The following PIK3R6 variants were observed in gnomAD, a reference collection of about 807,000 sequenced individuals.
PIK3R6 encodes phosphoinositide 3-kinase regulatory subunit 6.
PIK3R6 carries 91 observed loss-of-function variants against 84.9 expected under a neutral mutation model. The observed-to-expected ratio is 1.07, with a 90% confidence interval of 0.90 to 1.28. PIK3R6 has a LOEUF of 1.28. Among genes scored for constraint, PIK3R6 ranks in the 50% most tolerant of loss-of-function variants. PIK3R6 has a pLI of 0.00. For missense variants in PIK3R6, 996 were observed against 985.1 expected (o/e 1.01, Z -0.15); for synonymous variants, 416 against 411.4 (o/e 1.01, Z -0.13).
chr17:8,821,110 C>T (rs1010535562), intron 17 of PIK3R6, among the ~76,000 whole-genome samples: 1 of 152,176 alleles, frequency 6.6e-6, no homozygotes, highest in Admixed American at 6.5e-5. Context: ...TACTTGTTTG[C>T]TCCAAAATGA....
In PIK3R6 at chr17:8,835,372, C is replaced by T; in HGVS notation, c.546G>A (p.Gln182=). The T allele has an allele frequency of 6.2e-7, 1 of 1,612,002 alleles. No individual in the cohort carries two copies. Among genetic ancestry groups the T allele is most frequent in the Non-Finnish European group, 8.5e-7 (1 of 1,178,578 alleles). ...LLLEIEAAQA[Q]QTPETCMRHV... is the part of the protein sequence containing the mutation. ...GGCGCATGCAGGTCTCTGGTGTCTG[C>T]TGCGCCTGGGCCGCCTCGATCTCCA... The change falls in exon 8 of 20, where the codon CAG becomes CAA. Residue 182 remains glutamine, a synonymous_variant. Coordinates refer to ENST00000619866, the MANE Select transcript of PIK3R6 (RefSeq NM_001010855.4).
intron 1 of PIK3R6, among the ~76,000 whole-genome samples, chr17:8,851,356 C>T (rs943903164): frequency 1.3e-5 from 2 of 151,952 alleles, no homozygotes; most frequent in Non-Finnish European, 1.5e-5. Context: ...ATTAGCCGGG[C>T]GTGGTGGTGG....
chr17:8,833,149 C>T, intron 8 of PIK3R6, 104 bp from the exon 9 acceptor site: 3 of 1,407,796 alleles, frequency 2.1e-6, no homozygotes, highest in Non-Finnish European at 2.8e-6. Context: ...TGACACCTCT[C>T]CGCTGCCCCT....
chr17:8,842,793 G>A lies in PIK3R6; in HGVS notation c.14-3096C>T, dbSNP rs2088719555. ...TCATGTGACAGGGATCTCTCTTCTT[G>A]GCTCCTTTTTGGTCCTCCTGCTTTA... On this transcript the variant is annotated intron_variant, in intron 2 of 19. Transcript: ENST00000619866. The surrounding 1 kb of genome is among the most constrained non-coding windows in gnomAD (Gnocchi z 4.5). 6.6e-6 allele frequency among the ~76,000 whole-genome samples: 1 copy of A among 152,086 alleles called. No individual in the cohort carries two copies.
intron 1 of PIK3R6, among the ~76,000 whole-genome samples, chr17:8,866,526 C>A (rs996993432): frequency 6.6e-5 from 10 of 152,076 alleles, no homozygotes; most frequent in African/African-American, 2.2e-4. Flanking sequence ...TGCGCAAAAG[C>A]GTGAGACTGT....
chr17:8,814,215 CTTTTTTTTTTTTTT>C (rs112750429), intron 18 of PIK3R6, among the ~76,000 whole-genome samples: 1 of 85,520 alleles, frequency 1.2e-5, no homozygotes, highest in African/African-American at 4.9e-5. Context: ...AGAGAGAGAT[CTTTTTTTTTTTTTT>C]TTTTTTTTGA....
intron 2 of PIK3R6, among the ~76,000 whole-genome samples, chr17:8,840,039 T>C (rs893820881): frequency 1.3e-5 from 2 of 151,990 alleles, no homozygotes; most frequent in African/African-American, 4.8e-5. Flanking sequence ...TATTTTCATA[T>C]ATATGTGAAA....
intron 17 of PIK3R6, among the ~76,000 whole-genome samples, chr17:8,820,989 T>C (rs1410240152): frequency 6.6e-6 from 1 of 152,216 alleles, no homozygotes; most frequent in Non-Finnish European, 1.5e-5. Context: ...GAATGTAAAG[T>C]AGCATTTCAT....
intron 7 of PIK3R6, 43 bp downstream of exon 7, chr17:8,836,504 G>C (rs12948724): frequency 0.39 from 630,080 of 1,606,524 alleles, 126,488 homozygotes; most frequent in East Asian, 0.57. Context: ...AGCCACAACA[G>C]TTTTAGGAGG....
chr17:8,828,549 C>T lies in PIK3R6; in HGVS notation c.1313+18G>A. Reference sequence around the variant, plus strand: ...CCCTGACCAGCGCCCACCCCCAGCCCCCACGTCGGGGCCCCACCTGAGTCT... The same window carrying T: ...CCCTGACCAGCGCCCACCCCCAGCCTCCACGTCGGGGCCCCACCTGAGTCT... On this transcript the variant is annotated intron_variant, in intron 11 of 19. Coordinates refer to ENST00000619866, the MANE Select transcript of PIK3R6 (RefSeq NM_001010855.4). 1 of 1,609,192 alleles carries T rather than the reference C, an allele frequency of 6.2e-7. No individual in the cohort carries two copies. Among genetic ancestry groups the T allele is most frequent in the Non-Finnish European group, 8.5e-7 (1 of 1,178,922 alleles).
chr17:8,860,915 C>T (rs1361900365), intron 1 of PIK3R6, among the ~76,000 whole-genome samples: 1 of 37,670 alleles, frequency 2.7e-5, no homozygotes, highest in Non-Finnish European at 4.8e-5. Context: ...TGAAAGCAGA[C>T]ACGGGCCGGG....
rs1420866596 is a variant in PIK3R6, at chr17:8,861,773, A to G, written c.-92+5756T>C. ...GAGATATGCCAAGGGGATGCCTAAGACCTCCAATAGTACTGAACCTGGCTG... is the reference window on the plus strand; with the variant it reads ...GAGATATGCCAAGGGGATGCCTAAGGCCTCCAATAGTACTGAACCTGGCTG... On this transcript the variant is annotated intron_variant, in intron 1 of 19. Transcript: ENST00000619866. Among the ~76,000 whole-genome samples the G allele has an allele frequency of 2.0e-5, 3 of 152,064 alleles. No homozygotes were observed. The South Asian group carries it at 6.2e-4, about 32-fold the overall frequency.
intron 8 of PIK3R6, among the ~76,000 whole-genome samples, chr17:8,834,178 AG>A (rs1425058065): frequency 6.8e-6 from 1 of 147,168 alleles, no homozygotes; most frequent in African/African-American, 2.5e-5. Context: ...AAAAAAAAAA[AG>A]AGTGAGTCGT....
In PIK3R6 at chr17:8,832,867, C is replaced by T. The variant is rs1443749768; in HGVS notation, c.802+22G>A. On this transcript the variant is annotated intron_variant, in intron 9 of 19. Transcript: ENST00000619866. Reference sequence around the variant, plus strand: ...GCCCCCGCGGGACTCTTGCCAAGGCCCCCCATCTGCCAGTCGCTTACCACC... The same window carrying T: ...GCCCCCGCGGGACTCTTGCCAAGGCTCCCCATCTGCCAGTCGCTTACCACC... 3.7e-6 allele frequency: 6 copies of T among 1,612,068 alleles called. No homozygotes were observed. The African/African-American group carries it at 8.0e-5, about 22-fold the overall frequency.
intron 1 of PIK3R6, among the ~76,000 whole-genome samples, chr17:8,860,903 C>A (rs960545790): frequency 7.6e-6 from 1 of 132,220 alleles, no homozygotes; most frequent in Non-Finnish European, 1.6e-5. Flanking sequence ...CTATTGGGCT[C>A]TTGAAAGCAG....
chr17:8,835,493 A>G lies in PIK3R6; in HGVS notation c.462-37T>C, dbSNP rs1323368302. ...AGCAGAGGGGAGAGGTGGGATTGAT[A>G]GTAACTAATGGGAGAGGGGCCACCG... On this transcript the variant is annotated intron_variant, in intron 7 of 19. Coordinates refer to ENST00000619866, the MANE Select transcript of PIK3R6 (RefSeq NM_001010855.4). 3 of 1,502,198 alleles carry G rather than the reference A, an allele frequency of 2.0e-6. No homozygotes were observed. In the South Asian group the frequency reaches 3.9e-5, roughly 20 times the overall value. 93.1% of individuals were successfully genotyped at this position (1,502,198 alleles called of 1,614,324 possible). A position where few individuals can be genotyped will look rare whatever the true frequency, so the allele number is the denominator to read the frequency against.
At chr17:8,846,769 C>A (rs2088823855) in intron 2 of PIK3R6, among the ~76,000 whole-genome samples, 1 of 152,146 alleles carries the variant, frequency 6.6e-6, no homozygotes, top group Admixed American at 6.5e-5. Context: ...TATGTGCTCA[C>A]CAGACCAAGT....
chr17:8,813,423 G>C (rs987913163), intron 18 of PIK3R6, among the ~76,000 whole-genome samples: 2 of 152,180 alleles, frequency 1.3e-5, no homozygotes, highest in Non-Finnish European at 2.9e-5. Flanking sequence ...CAGTCACTCT[G>C]ATACCAAAGC....
chr17:8,858,637 G>A (rs1175643884), intron 1 of PIK3R6, among the ~76,000 whole-genome samples: 1 of 152,092 alleles, frequency 6.6e-6, no homozygotes, highest in Non-Finnish European at 1.5e-5. Flanking sequence ...GAGTCTCAAT[G>A]GAAGCTCATT....
Sources: gnomAD v4.1 joint callset for allele counts (sites outside exome capture counted in the v4.1 genomes callset) on GRCh38, gnomAD v4.1.1 for gene constraint, Gnocchi (gnomAD v3.1) non-coding constraint, MANE v1.5 for transcripts, NCBI Gene and HGNC (gene_info 2026-07-23, HGNC 2026-07-21) for gene names.